The following PARD3 variants were observed in gnomAD, a reference collection of about 807,000 sequenced individuals.
PARD3 encodes the protein par-3 family cell polarity regulator.
Under a neutral mutation model 155.4 loss-of-function variants are expected in PARD3, and 75 were observed. That is an observed-to-expected ratio of 0.48 (90% CI 0.40 to 0.58). The LOEUF (loss-of-function observed/expected upper bound fraction) is 0.58, where lower values mean the gene tolerates loss of function less well. Ranked by LOEUF, PARD3 falls within the 20% of genes least tolerant of loss-of-function variation. PARD3 has a pLI of 0.00. For synonymous variants in PARD3, 576 were observed against 610.5 expected (o/e 0.94, Z 0.83); for missense variants, 1,642 against 1,721.7 (o/e 0.95, Z 0.82).
At chr10:34,743,131 T>C (rs754486828) in intron 1 of PARD3, among the ~76,000 whole-genome samples, 1 of 152,198 alleles carries the variant, frequency 6.6e-6, no homozygotes, top group African/African-American at 2.4e-5. Flanking sequence ...TATTTTTCCA[T>C]TGTATCCTTC....
chr10:34,559,833 G>A (rs1015177825), intron 2 of PARD3, among the ~76,000 whole-genome samples: 2 of 152,160 alleles, frequency 1.3e-5, no homozygotes, highest in African/African-American at 4.8e-5. Context: ...CACTTCTGAG[G>A]CTTTGGCTGT....
intron 22 of PARD3, among the ~76,000 whole-genome samples, chr10:34,145,189 G>GTATATATATATATA (rs575139416): frequency 6.0e-5 from 3 of 49,620 alleles, no homozygotes; most frequent in African/African-American, 3.3e-4. Flanking sequence ...GTGTGTGTGT[G>GTATATATATATATA]TATATATATA....
chr10:34,184,413 C>G (rs748875031), intron 22 of PARD3, among the ~76,000 whole-genome samples: 5 of 152,118 alleles, frequency 3.3e-5, no homozygotes, highest in Non-Finnish European at 7.3e-5. Context: ...CACTTGCCCT[C>G]CTTCGTGATT....
intron 24 of PARD3, among the ~76,000 whole-genome samples, chr10:34,112,381 A>C (rs1230784953): frequency 6.6e-6 from 1 of 152,346 alleles, no homozygotes; most frequent in Non-Finnish European, 1.5e-5. Context: ...ATTTCCAGGA[A>C]ACATTATTGT....
At chr10:34,416,164 T>A (rs1007579154) in intron 5 of PARD3, among the ~76,000 whole-genome samples, 1 of 152,066 alleles carries the variant, frequency 6.6e-6, no homozygotes, top group East Asian at 1.9e-4. Flanking sequence ...GTAAACAGAG[T>A]GCAAAATCCA....
chr10:34,353,002 G>C (rs796438131), intron 14 of PARD3, among the ~76,000 whole-genome samples: 7 of 126,756 alleles, frequency 5.5e-5, no homozygotes, highest in African/African-American at 1.8e-4. Flanking sequence ...CCGCCACCCC[G>C]TCTGGGAGGT....
intron 2 of PARD3, among the ~76,000 whole-genome samples, chr10:34,692,016 G>C (rs1042593612): frequency 6.6e-6 from 1 of 152,226 alleles, no homozygotes; most frequent in Non-Finnish European, 1.5e-5. Context: ...TGGATTGCCT[G>C]AGGTCAGGAG....
chr10:34,377,957 A>G lies in PARD3; in HGVS notation c.1539+10T>C. The G allele has an allele frequency of 1.3e-6, 2 of 1,514,190 alleles. No individual in the cohort carries two copies. The highest frequency in any genetic ancestry group is 1.8e-6 in the Non-Finnish European group (2 of 1,138,432). 93.8% of individuals were successfully genotyped at this position (1,514,190 alleles called of 1,614,324 possible). On this transcript the variant is annotated intron_variant, in intron 10 of 24. Coordinates refer to ENST00000374788, the MANE Select transcript of PARD3 (RefSeq NM_001184785.2). ...GAATCAGGGAACATCCTGCTGGGGA[A>G]GTCACTTACCTCTATAAGTCTGTCT...
chr10:34,571,286 C>T (rs2134155341), intron 2 of PARD3, among the ~76,000 whole-genome samples: 1 of 152,142 alleles, frequency 6.6e-6, no homozygotes, highest in South Asian at 2.1e-4. Flanking sequence ...TGCACTCCAG[C>T]CTAGGTGACA....
chr10:34,798,906 C>T lies in PARD3; in HGVS notation c.120+15970G>A, dbSNP rs1319893306. On this transcript the variant is annotated intron_variant, in intron 1 of 24. Coordinates refer to ENST00000374788, the MANE Select transcript of PARD3 (RefSeq NM_001184785.2). ...GGCCTGGGCCAGGAGTCCTCCAACC[C>T]GGCTGCACAGACAACCACCTGAAGA... Among the ~76,000 whole-genome samples the T allele has an allele frequency of 2.6e-5, 4 of 151,970 alleles. No individual in the cohort carries two copies. The East Asian group carries it at 7.7e-4, about 29-fold the overall frequency.
At chr10:34,567,090 C>T (rs555424730) in intron 2 of PARD3, among the ~76,000 whole-genome samples, 6 of 152,080 alleles carry the variant, frequency 3.9e-5, no homozygotes, top group Non-Finnish European at 8.8e-5. Context: ...ACAGGAAATG[C>T]ACTTTATAGC....
chr10:34,602,667 TGA>T (rs1314970959), intron 2 of PARD3, among the ~76,000 whole-genome samples: 2 of 152,122 alleles, frequency 1.3e-5, no homozygotes, highest in East Asian at 3.9e-4. Context: ...CAGCCAGCAA[TGA>T]GAGAATGTAT....
At chr10:34,613,252 C>A (rs1323979976) in intron 2 of PARD3, among the ~76,000 whole-genome samples, 1 of 152,166 alleles carries the variant, frequency 6.6e-6, no homozygotes, top group South Asian at 2.1e-4. Flanking sequence ...AATTCCCCTC[C>A]TGATTAACCT....
chr10:34,178,922 A>G (rs559114361), intron 22 of PARD3, among the ~76,000 whole-genome samples: 20 of 152,306 alleles, frequency 1.3e-4, no homozygotes, highest in African/African-American at 4.8e-4. Flanking sequence ...GTGACAGGAA[A>G]CAAGAATTAG....
At chr10:34,551,823 G>C (rs2084597807) in intron 2 of PARD3, among the ~76,000 whole-genome samples, 1 of 152,182 alleles carries the variant, frequency 6.6e-6, no homozygotes, top group Non-Finnish European at 1.5e-5. Flanking sequence ...TGACACCACA[G>C]GTAGGAGGAA....
chr10:34,748,751 A>G (rs1286248511), intron 1 of PARD3, among the ~76,000 whole-genome samples: 2 of 152,216 alleles, frequency 1.3e-5, no homozygotes, highest in Non-Finnish European at 2.9e-5. Context: ...TCATGAAGAC[A>G]GACTTGAGCA....
At chr10:34,745,042 A>G (rs1193508226) in intron 1 of PARD3, among the ~76,000 whole-genome samples, 1 of 152,184 alleles carries the variant, frequency 6.6e-6, no homozygotes, top group Non-Finnish European at 1.5e-5. Context: ...GCAATAACCT[A>G]GCAACCAACC....
chr10:34,725,892 G>C (rs1327128698), intron 1 of PARD3, among the ~76,000 whole-genome samples: 1 of 152,172 alleles, frequency 6.6e-6, no homozygotes, highest in Non-Finnish European at 1.5e-5. Flanking sequence ...CTACTGTCTT[G>C]AGTGAATGCG....
At chr10:34,260,000 G>C (rs756098004) in intron 22 of PARD3, among the ~76,000 whole-genome samples, 1 of 152,018 alleles carries the variant, frequency 6.6e-6, no homozygotes, top group African/African-American at 2.4e-5. Flanking sequence ...GTGCCACTAT[G>C]CCCAGGTAAT....
Sources: gnomAD v4.1 joint callset for allele counts (sites outside exome capture counted in the v4.1 genomes callset) on GRCh38, gnomAD v4.1.1 for gene constraint, MANE v1.5 for transcripts, NCBI Gene and HGNC (gene_info 2026-07-23, HGNC 2026-07-21) for gene names.